The following GPC6 variants were observed in gnomAD, a reference collection of about 807,000 sequenced individuals.
The protein encoded by GPC6 is glypican 6, also known as glypican-6.
In GPC6, 14 loss-of-function variants were observed where a neutral mutation model predicts 55.2. The ratio of observed to expected loss-of-function variants is 0.25; its 90% CI spans 0.17 to 0.40. The LOEUF (loss-of-function observed/expected upper bound fraction) is 0.40, where lower values mean the gene tolerates loss of function less well. Among genes scored for constraint, GPC6 ranks in the 10% least tolerant of loss-of-function variants. The pLI is 1.00. For missense variants in GPC6, 641 were observed against 708.5 expected (o/e 0.90, Z 1.08); for synonymous variants, 278 against 259.6 (o/e 1.07, Z -0.68).
chr13:93,534,287 C>T (rs558597084), intron 1 of GPC6, among the ~76,000 whole-genome samples: 130 of 152,070 alleles, frequency 8.5e-4, no homozygotes, highest in African/African-American at 3.0e-3. Flanking sequence ...TATCTACTTC[C>T]TAGGAAGGAC....
At chr13:93,591,789 C>A (rs1566439745) in intron 2 of GPC6, among the ~76,000 whole-genome samples, 1 of 152,100 alleles carries the variant, frequency 6.6e-6, no homozygotes, top group Non-Finnish European at 1.5e-5. Flanking sequence ...TGAGTAACTT[C>A]CCATCAGTTT....
intron 6 of GPC6, among the ~76,000 whole-genome samples, chr13:94,345,675 G>A (rs957684474): frequency 6.6e-6 from 1 of 152,170 alleles, no homozygotes; most frequent in African/African-American, 2.4e-5. Context: ...TAGGAAAGCT[G>A]TTCAGCTCTC....
At chr13:93,780,999 C>T (rs1275801101) in intron 2 of GPC6, among the ~76,000 whole-genome samples, 9 of 151,910 alleles carry the variant, frequency 5.9e-5, no homozygotes, top group East Asian at 1.9e-4. Context: ...TATAATTGGC[C>T]GGGTGCGGTG....
chr13:94,203,074 T>C (rs1889803344), intron 4 of GPC6, among the ~76,000 whole-genome samples: 1 of 151,936 alleles, frequency 6.6e-6, no homozygotes, highest in East Asian at 1.9e-4. Flanking sequence ...AAAGGTTTTA[T>C]AGTTTTATAA....
At chr13:94,160,659 A>T (rs140416417) in intron 4 of GPC6, among the ~76,000 whole-genome samples, 121 of 152,322 alleles carry the variant, frequency 7.9e-4, no homozygotes, top group African/African-American at 2.8e-3. Context: ...TAATGAAAAC[A>T]TGCATAACCT....
chr13:94,386,735 C>T (rs1880428675), intron 7 of GPC6, among the ~76,000 whole-genome samples: 1 of 152,194 alleles, frequency 6.6e-6, no homozygotes, highest in Non-Finnish European at 1.5e-5. Context: ...TGATAGGTCT[C>T]CAATAAACCA....
In GPC6 at chr13:93,724,291, C is replaced by A. The variant is rs1440652678; in HGVS notation, c.320-105863C>A. On this transcript the variant is annotated intron_variant, in intron 2 of 8. Transcript: ENST00000377047. Reference sequence around the variant, plus strand: ...TCAGGGGGAGTTTGTTACTAATGTTCTTCTTGATTCATCATTTAAACAAAA... The same window carrying A: ...TCAGGGGGAGTTTGTTACTAATGTTATTCTTGATTCATCATTTAAACAAAA... 2.0e-5 allele frequency among the ~76,000 whole-genome samples: 3 copies of A among 151,932 alleles called. No homozygotes were observed. The East Asian group carries it at 5.8e-4, about 30-fold the overall frequency.
At chr13:94,349,473 A>G (rs1321097435) in intron 6 of GPC6, among the ~76,000 whole-genome samples, 1 of 152,194 alleles carries the variant, frequency 6.6e-6, no homozygotes, top group East Asian at 1.9e-4. Context: ...ACTTACAAAG[A>G]TAGATGGATC....
intron 1 of GPC6, among the ~76,000 whole-genome samples, chr13:93,458,382 A>G (rs1461325064): frequency 6.6e-6 from 1 of 151,702 alleles, no homozygotes; most frequent in East Asian, 1.9e-4. Context: ...TTTTGTATTT[A>G]TTTGCTTGCT....
Position 94,170,159 on chromosome 13 carries a change from C to T in GPC6, c.878-116190C>T, listed in dbSNP as rs189356018. Among the ~76,000 whole-genome samples the T allele has an allele frequency of 3.0e-3, 452 of 152,268 alleles. 4 individuals carry two copies. The highest frequency in any genetic ancestry group is 0.011 in the African/African-American group (438 of 41,538). On this transcript the variant is annotated intron_variant, in intron 4 of 8. Coordinates refer to ENST00000377047, the MANE Select transcript of GPC6 (RefSeq NM_005708.5). ...CTCTGAAAGAAAACACAGACAGGCACGTGATCCTCAACCAGAAAGCAACAC... is the reference window on the plus strand; with the variant it reads ...CTCTGAAAGAAAACACAGACAGGCATGTGATCCTCAACCAGAAAGCAACAC...
Position 94,306,589 on chromosome 13 carries a change from A to T in GPC6, c.1152+466A>T, listed in dbSNP as rs568167069. Among the ~76,000 whole-genome samples the T allele has an allele frequency of 2.7e-5, 4 of 150,280 alleles. No homozygotes were observed. In the East Asian group the frequency reaches 7.8e-4, roughly 29 times the overall value. Reference sequence around the variant, plus strand: ...GAAACCCCAAATCAATGTTACTATCATTTTTTTTTCTTTTTTATGTGTCTT... The same window carrying T: ...GAAACCCCAAATCAATGTTACTATCTTTTTTTTTTCTTTTTTATGTGTCTT... On this transcript the variant is annotated intron_variant, in intron 6 of 8. Transcript: ENST00000377047.
intron 4 of GPC6, among the ~76,000 whole-genome samples, chr13:94,075,034 A>C (rs1405411558): frequency 6.6e-6 from 1 of 152,204 alleles, no homozygotes; most frequent in African/African-American, 2.4e-5. Context: ...TATACTCATT[A>C]TGATTATAAA....
chr13:94,102,240 G>A (rs1885890762), intron 4 of GPC6, among the ~76,000 whole-genome samples: 1 of 152,066 alleles, frequency 6.6e-6, no homozygotes, highest in South Asian at 2.1e-4. Context: ...GTCTAGGTAA[G>A]CAGCCAGGAC....
chr13:94,190,008 A>T (rs1889333882), intron 4 of GPC6, among the ~76,000 whole-genome samples: 1 of 149,238 alleles, frequency 6.7e-6, no homozygotes, highest in Non-Finnish European at 1.5e-5. Flanking sequence ...GAGACAGAGC[A>T]AGACTCTGTC....
intron 4 of GPC6, among the ~76,000 whole-genome samples, chr13:94,136,635 G>A (rs931658905): frequency 1.3e-5 from 2 of 152,238 alleles, no homozygotes; most frequent in African/African-American, 4.8e-5. Context: ...GCGTGAACCC[G>A]GGAAGCAGAG....
chr13:94,247,868 C>T (rs1342939626), intron 4 of GPC6, among the ~76,000 whole-genome samples: 2 of 151,522 alleles, frequency 1.3e-5, no homozygotes, highest in African/African-American at 4.9e-5. Flanking sequence ...CTGTTTTGCC[C>T]AGGGTAGAGT....
At chr13:93,621,637 T>C (rs1263957523) in intron 2 of GPC6, among the ~76,000 whole-genome samples, 1 of 152,106 alleles carries the variant, frequency 6.6e-6, no homozygotes, top group Non-Finnish European at 1.5e-5. Context: ...AAAAATATAG[T>C]AATAGAGTTA....
chr13:94,239,617 G>A (rs1264054447), intron 4 of GPC6, among the ~76,000 whole-genome samples: 4 of 151,942 alleles, frequency 2.6e-5, no homozygotes, highest in Non-Finnish European at 4.4e-5. Flanking sequence ...AAGCACTCTC[G>A]GCATTAGAGT....
At chr13:94,283,501 A>C (rs1223103731) in intron 4 of GPC6, among the ~76,000 whole-genome samples, 1 of 152,212 alleles carries the variant, frequency 6.6e-6, no homozygotes, top group Non-Finnish European at 1.5e-5. Context: ...GCGTGGCTTT[A>C]CCTGCATCCT....
Sources: allele counts gnomAD v4.1 joint callset (sites outside exome capture counted in the v4.1 genomes callset), GRCh38; gene constraint gnomAD v4.1.1; transcripts MANE v1.5; gene names NCBI Gene and HGNC (gene_info 2026-07-23, HGNC 2026-07-21).